The following TNIK variants were observed in gnomAD, a reference collection of about 807,000 sequenced individuals.
The protein encoded by TNIK is TRAF2 and NCK interacting kinase, also known as TRAF2 and NCK-interacting protein kinase.
In TNIK, 49 loss-of-function variants were observed where a neutral mutation model predicts 191.3. That is an observed-to-expected ratio of 0.26 (90% confidence interval 0.20 to 0.32). TNIK has a LOEUF of 0.32. TNIK is among the 10% of genes least tolerant of loss of function. TNIK has a pLI of 1.00. For missense variants in TNIK, 1,155 were observed against 1,702.3 expected (o/e 0.68, Z 5.66); for synonymous variants, 594 against 600.9 (o/e 0.99, Z 0.17).
At chr3:171,437,900 G>A (rs1726222370) in intron 1 of TNIK, among the ~76,000 whole-genome samples, 1 of 152,198 alleles carries the variant, frequency 6.6e-6, no homozygotes, top group African/African-American at 2.4e-5. Context: ...GGAAATCCGG[G>A]GAGTTGATAA....
intron 18 of TNIK, among the ~76,000 whole-genome samples, chr3:171,121,587 G>A (rs969813521): frequency 6.6e-6 from 1 of 152,240 alleles, no homozygotes; most frequent in Admixed American, 6.5e-5. Flanking sequence ...AACTGCACGA[G>A]TGAGCCCAGG....
At chr3:171,402,918 C>G (rs781778033) in intron 1 of TNIK, among the ~76,000 whole-genome samples, 12 of 152,056 alleles carry the variant, frequency 7.9e-5, no homozygotes, top group Non-Finnish European at 1.3e-4. Context: ...ATTATTTTGC[C>G]CAGCCAAAGT....
intron 1 of TNIK, among the ~76,000 whole-genome samples, chr3:171,392,103 G>C (rs1305137148): frequency 6.6e-6 from 1 of 152,096 alleles, no homozygotes; most frequent in Non-Finnish European, 1.5e-5. Context: ...CTCCTTTCAA[G>C]TCCTCACAAA....
At chr3:171,167,351 CTT>C (rs1734738672) in intron 9 of TNIK, 81 bp from the exon 10 acceptor site, 1 of 1,528,822 alleles carries the variant, frequency 6.5e-7, no homozygotes, top group African/African-American at 1.4e-5. Context: ...AATGCTGGGA[CTT>C]TTTCTTTTTT....
chr3:171,413,696 A>G (rs1208321113), intron 1 of TNIK, among the ~76,000 whole-genome samples: 1 of 152,202 alleles, frequency 6.6e-6, no homozygotes, highest in Non-Finnish European at 1.5e-5. Context: ...CTACTATGTA[A>G]CTTTCCTTAG....
intron 2 of TNIK, among the ~76,000 whole-genome samples, chr3:171,305,415 G>C (rs781733210): frequency 6.6e-6 from 1 of 152,136 alleles, no homozygotes; most frequent in Non-Finnish European, 1.5e-5. Context: ...ACTATCAGCA[G>C]AGTGAACAGA....
At chr3:171,304,796 G>A (rs1263769839) in intron 2 of TNIK, among the ~76,000 whole-genome samples, 2 of 151,870 alleles carry the variant, frequency 1.3e-5, no homozygotes, top group Non-Finnish European at 2.9e-5. Context: ...CACTCAGGTG[G>A]GAATTGAACA....
chr3:171,317,725 T>C (rs546386405), intron 2 of TNIK, among the ~76,000 whole-genome samples: 35 of 152,300 alleles, frequency 2.3e-4, no homozygotes, highest in African/African-American at 8.2e-4. Flanking sequence ...ATCACTTTGT[T>C]ATTTAGGTTA....
intron 1 of TNIK, among the ~76,000 whole-genome samples, chr3:171,444,098 A>G (rs1727180294): frequency 6.6e-6 from 1 of 152,206 alleles, no homozygotes; most frequent in Non-Finnish European, 1.5e-5. Flanking sequence ...ATGCACGCTC[A>G]CTATCAGTTG....
At chr3:171,204,494 G>A (rs1197231986) in intron 4 of TNIK, among the ~76,000 whole-genome samples, 1 of 152,204 alleles carries the variant, frequency 6.6e-6, no homozygotes, top group Non-Finnish European at 1.5e-5. Flanking sequence ...GCTGCTTTTA[G>A]TTGCTTTAGG....
chr3:171,151,778 A>G (rs547780071), intron 12 of TNIK, among the ~76,000 whole-genome samples: 46 of 152,212 alleles, frequency 3.0e-4, no homozygotes, highest in Non-Finnish European at 6.0e-4. Context: ...CAGAGCATCA[A>G]TATGCTGTCC....
At chr3:171,444,781 T>G (rs1472670141) in intron 1 of TNIK, among the ~76,000 whole-genome samples, 1 of 152,220 alleles carries the variant, frequency 6.6e-6, no homozygotes, top group Admixed American at 6.5e-5. Flanking sequence ...ATATGCCTTA[T>G]GAAAAAGTTG....
At chr3:171,100,298 C>T (rs1723285092) in intron 22 of TNIK, among the ~76,000 whole-genome samples, 1 of 152,130 alleles carries the variant, frequency 6.6e-6, no homozygotes, top group East Asian at 1.9e-4. Context: ...CATATTTTAG[C>T]ATATTTAGAG....
chr3:171,081,995 G>C (rs1720754316), intron 27 of TNIK, among the ~76,000 whole-genome samples: 1 of 152,202 alleles, frequency 6.6e-6, no homozygotes, highest in African/African-American at 2.4e-5. Context: ...CCTGACAGAG[G>C]TAAAGAGCTA....
At chr3:171,373,265 A>G (rs1716771669) in intron 1 of TNIK, among the ~76,000 whole-genome samples, 1 of 148,044 alleles carries the variant, frequency 6.8e-6, no homozygotes, top group South Asian at 2.2e-4. Context: ...AGGCATTTAT[A>G]CTCCTGAGCA....
chr3:171,093,793 A>G lies in TNIK; in HGVS notation c.2721+46T>C, dbSNP rs3732926. ...CTGTGAAAGCTTTAATGTAAAAACC[A>G]CTGAAGAAATGGCATTTCCTCTACA... is the stretch of plus-strand genomic sequence containing the variant. On this transcript the variant is annotated intron_variant, in intron 23 of 32. Coordinates refer to ENST00000436636, the MANE Select transcript of TNIK (RefSeq NM_015028.4). 2.0e-4 allele frequency: 316 copies of G among 1,607,514 alleles called. 1 individual carries two copies. The East Asian group carries it at 7.0e-3, about 35-fold the overall frequency.
At chr3:171,315,386 C>T (rs745982575) in intron 2 of TNIK, among the ~76,000 whole-genome samples, 9 of 152,084 alleles carry the variant, frequency 5.9e-5, no homozygotes, top group Non-Finnish European at 1.0e-4. Flanking sequence ...CTGAAGAGAG[C>T]AAACACAATA....
intron 2 of TNIK, among the ~76,000 whole-genome samples, chr3:171,312,454 C>T (rs79290694): frequency 0.02 from 3,045 of 151,998 alleles, 52 homozygotes; most frequent in Non-Finnish European, 0.03. Context: ...AACTGCCCTC[C>T]GTTAGGTCTC....
chr3:171,221,602 C>T (rs537553171), intron 3 of TNIK, among the ~76,000 whole-genome samples: 39 of 152,176 alleles, frequency 2.6e-4, no homozygotes, highest in South Asian at 1.5e-3. Flanking sequence ...AAGATAGTGC[C>T]CATGTCTGTC....
Sources: allele counts gnomAD v4.1 joint callset (sites outside exome capture counted in the v4.1 genomes callset), GRCh38; gene constraint gnomAD v4.1.1; transcripts MANE v1.5; gene names NCBI Gene and HGNC (gene_info 2026-07-23, HGNC 2026-07-21).